The following SDHA variants were observed in gnomAD, a reference collection of about 807,000 sequenced individuals.
SDHA encodes succinate dehydrogenase [ubiquinone] flavoprotein subunit, mitochondrial.
SDHA carries 48 observed loss-of-function variants against 78.4 expected under a neutral mutation model. The observed-to-expected ratio is 0.61, with a 90% CI of 0.49 to 0.78. SDHA has a LOEUF of 0.78. Among genes scored for constraint, SDHA ranks in the 30% least tolerant of loss-of-function variants. SDHA has a pLI of 0.00. For missense variants in SDHA, 680 were observed against 892.7 expected (o/e 0.76, Z 3.04); for synonymous variants, 326 against 353.9 (o/e 0.92, Z 0.88).
At chr5:236,400 A>G (rs1735777940) in intron 9 of SDHA, 28 bp from the exon 10 acceptor site, 1 of 1,611,238 alleles carries the variant, frequency 6.2e-7, no homozygotes, top group Non-Finnish European at 8.5e-7. Context: ...GCACCTTGAC[A>G]TTTCACCTGA....
At chr5:242,378 C>T (rs1221379685) in intron 11 of SDHA, among the ~76,000 whole-genome samples, 4 of 152,322 alleles carry the variant, frequency 2.6e-5, no homozygotes, top group Non-Finnish European at 5.9e-5. Context: ...AAACCACAAA[C>T]AATAGCATGA....
At position 237,655 on chromosome 5, in the gene SDHA, C is replaced by T. The variant is rs1483215362; in HGVS notation, c.1432+1056C>T. On this transcript the variant is annotated intron_variant, in intron 10 of 14. Transcript: ENST00000264932. ...GGCCCATGTTCTTCCCGTTACCTTT[C>T]TCTGGTGTTAACTGTTAGCATCATT... Among the ~76,000 whole-genome samples, 4 of 134,008 alleles carry T rather than the reference C, an allele frequency of 3.0e-5. No individual in the cohort carries two copies. In the East Asian group the frequency reaches 7.8e-4, roughly 26 times the overall value. 87.9% of individuals were successfully genotyped at this position (134,008 alleles called of 152,430 possible).
rs184954254 is a variant in SDHA, at chr5:240,492, C to T, written c.1551+16C>T. On this transcript the variant is annotated intron_variant, in intron 11 of 14. Coordinates refer to ENST00000264932, the MANE Select transcript of SDHA (RefSeq NM_004168.4). Reference sequence around the variant, plus strand: ...CATGCAGAAGGTAAGAGCCTGGACTCGCTCTGGAGTGAGCAGGAGGGCTGC... The same window carrying T: ...CATGCAGAAGGTAAGAGCCTGGACTTGCTCTGGAGTGAGCAGGAGGGCTGC... The T allele has an allele frequency of 2.6e-3, 4,008 of 1,521,746 alleles. 14 individuals are homozygous for T. Among genetic ancestry groups the T allele is most frequent in the East Asian group, 3.6e-3 (161 of 44,430 alleles). 94.3% of individuals were successfully genotyped at this position (1,521,746 alleles called of 1,614,324 possible). A position where few individuals can be genotyped will look rare whatever the true frequency, so the allele number is the denominator to read the frequency against.
chr5:251,445 G>A lies in SDHA; in HGVS notation c.1771G>A (p.Ala591Thr), dbSNP rs1042170. 117 of 1,613,856 alleles carry A rather than the reference G, an allele frequency of 7.2e-5. No individual in the cohort carries two copies. Among genetic ancestry groups the A allele is most frequent in the South Asian group, 3.5e-4 (32 of 91,070 alleles). The change falls in exon 13 of 15, where the codon GCG becomes ACG. Residue 591 changes from alanine (A) to threonine (T), a missense_variant. Coordinates refer to ENST00000264932, the MANE Select transcript of SDHA (RefSeq NM_004168.4). The part of the protein sequence containing the change: ...GAEARKESRG[A>T]HAREDYKVRI... ...AGAGGCACGGAAGGAGTCACGGGGC[G>A]CGCATGCCAGGGAAGACTACAAGGT...
chr5:236,580 C>T lies in SDHA; in HGVS notation c.1413C>T (p.Ile471=), dbSNP rs34779890. The T allele has an allele frequency of 2.0e-3, 3,225 of 1,613,996 alleles. 22 individuals are homozygous for T. Among genetic ancestry groups the T allele is most frequent in the Middle Eastern group, 0.01 (62 of 6,056 alleles). The change falls in exon 10 of 15, where the codon ATC becomes ATT. Residue 471 remains isoleucine, a synonymous_variant. Coordinates refer to ENST00000264932, the MANE Select transcript of SDHA (RefSeq NM_004168.4). ...TTGGTCGGGCATGTGCCCTGAGCAT[C>T]GAAGAGTCATGCAGGCCTGGTAAGT... The part of the protein sequence containing the change: ...VVFGRACALS[I]EESCRPGDKV...
rs1735155266 is a variant in SDHA at position 228,122 on chromosome 5, AC to A, written c.622-61del. 5 of 1,539,334 alleles carry A rather than the reference AC, an allele frequency of 3.2e-6. No homozygotes were observed. The Admixed American group carries it at 6.7e-5, about 21-fold the overall frequency. ...CTTTCACCTATTCACATGAGCAGAT[AC>A]CACCTTAAAACCTTAAAGTTTGGCT... is the stretch of plus-strand genomic sequence containing the variant. On this transcript the variant is annotated intron_variant, in intron 5 of 14. Transcript: ENST00000264932.
Position 251,629 on chromosome 5 carries a change from C to T in SDHA, c.1794+161C>T, listed in dbSNP as rs186704301. On this transcript the variant is annotated intron_variant, in intron 13 of 14. Coordinates refer to ENST00000264932, the MANE Select transcript of SDHA (RefSeq NM_004168.4). ...GGTAACTTTGATCCCTGGGTTCTCG[C>T]CATCTTCTGGATCACTGTGACCTTT... is the stretch of plus-strand genomic sequence containing the variant. 2.6e-6 allele frequency: 4 copies of T among 1,535,876 alleles called. No individual in the cohort carries two copies. The East Asian group carries it at 7.5e-5, about 29-fold the overall frequency.
Position 235,225 on chromosome 5 carries a change from C to A in SDHA, c.1146C>A (p.Gly382=), listed in dbSNP as rs768947225. 100 of 1,614,024 alleles carry A rather than the reference C, an allele frequency of 6.2e-5. No homozygotes were observed. The highest frequency in any genetic ancestry group is 8.1e-5 in the Non-Finnish European group (96 of 1,179,894). ...AGCAGCTGGCCACGCGCCTGCCTGG[C>A]ATTTCAGAGACAGCCATGATCTTCG... The part of the protein sequence containing the change: ...PPEQLATRLP[G]ISETAMIFAG... The change falls in exon 9 of 15, where the codon GGC becomes GGA. Residue 382 remains glycine (G), a synonymous_variant. Transcript: ENST00000264932.
At chr5:253,710 C>T (rs1291505580) in intron 13 of SDHA, among the ~76,000 whole-genome samples, 1 of 152,180 alleles carries the variant, frequency 6.6e-6, no homozygotes, top group Non-Finnish European at 1.5e-5. Context: ...GCTAGGGTTA[C>T]AGGCATGAGC....
chr5:233,439 G>T, intron 7 of SDHA, 38 bp from the exon 8 acceptor site: 1 of 1,602,662 alleles, frequency 6.2e-7, no homozygotes, highest in African/African-American at 1.3e-5. Context: ...TAGAGATCTA[G>T]CAATTGTTAG....
chr5:263,858 CA>C, the SDHA span, among the ~76,000 whole-genome samples: 2 of 151,806 alleles, frequency 1.3e-5, no homozygotes, highest in East Asian at 3.9e-4. Flanking sequence ...TAGACTGCCT[CA>C]AAAAAAACTC....
intron 11 of SDHA, among the ~76,000 whole-genome samples, chr5:245,752 ACAT>A: frequency 6.6e-6 from 1 of 152,344 alleles, no homozygotes; most frequent in East Asian, 1.9e-4. Context: ...TCAATTGAAA[ACAT>A]TAAATGAGAC....
chr5:224,092 C>T (rs6555050), intron 2 of SDHA, among the ~76,000 whole-genome samples: 36,473 of 151,998 alleles, frequency 0.24, 6,801 homozygotes, highest in African/African-American at 0.52. Context: ...AGCATAGGCA[C>T]GGCCCTGAAG....
chr5:257,767 C>T (rs1737302172), downstream of SDHA, among the ~76,000 whole-genome samples: 1 of 106,188 alleles, frequency 9.4e-6, no homozygotes, highest in Non-Finnish European at 1.8e-5. Context: ...GAGCTCCGCC[C>T]CTGCCAGAGC....
rs762969594 is a variant in SDHA at position 228,199 on chromosome 5, T to C, written c.636T>C (p.Asp212=). The change falls in exon 6 of 15, where the codon GAT becomes GAC. Residue 212 remains aspartate (D), a synonymous_variant. Coordinates refer to ENST00000264932, the MANE Select transcript of SDHA (RefSeq NM_004168.4). The stretch of plus-strand genomic sequence containing the variant: ...CTTTCTTTTAGTCTCTGCGATATGA[T>C]ACCAGCTATTTTGTGGAGTATTTTG... ...HTLYGRSLRY[D]TSYFVEYFAL... 1 of 1,613,890 alleles carries C rather than the reference T, an allele frequency of 6.2e-7. No individual in the cohort carries two copies. The highest frequency in any genetic ancestry group is 2.2e-5 in the East Asian group (1 of 44,886).
At chr5:234,754 T>C (rs1735657608) in intron 8 of SDHA, 3 of 312,698 alleles carry the variant, frequency 9.6e-6, no homozygotes, top group South Asian at 6.2e-5. Flanking sequence ...CATTTTATAT[T>C]AGGGACTTGA....
At chr5:233,417 A>T in intron 7 of SDHA, 60 bp from the exon 8 acceptor site, 1 of 1,574,100 alleles carries the variant, frequency 6.4e-7, no homozygotes, top group Non-Finnish European at 8.7e-7. Flanking sequence ...GAAAAAAATA[A>T]TGCATTTGAA....
rs572803380 is a variant in SDHA, at chr5:256,438, A to G, written c.*18A>G. The G allele has an allele frequency of 1.3e-6, 2 of 1,587,916 alleles. No individual in the cohort carries two copies. The highest frequency in any genetic ancestry group is 2.7e-5 in the African/African-American group (2 of 74,128). On this transcript the variant is annotated 3_prime_UTR_variant, in exon 15 of 15. Transcript: ENST00000264932. The stretch of plus-strand genomic sequence containing the variant: ...CCTACTGATGAGACAAGATGTGGTG[A>G]TGACAGAATCAGCTTTTGTAATTAT...
the SDHA span, among the ~76,000 whole-genome samples, chr5:262,715 T>C: frequency 6.6e-6 from 1 of 152,258 alleles, no homozygotes; most frequent in Non-Finnish European, 1.5e-5. Context: ...GTAAATGGGC[T>C]GCTGCTTTAT....
Sources: gnomAD v4.1 joint callset for allele counts (sites outside exome capture counted in the v4.1 genomes callset) on GRCh38, gnomAD v4.1.1 for gene constraint, MANE v1.5 for transcripts, NCBI Gene and HGNC (gene_info 2026-07-23, HGNC 2026-07-21) for gene names.